LYPLAL1: variants seen among roughly 807,000 people sequenced by gnomAD.
LYPLAL1 encodes the protein lysophospholipase-like protein 1.
Under a neutral mutation model 19.7 loss-of-function variants are expected in LYPLAL1, and 23 were observed. The observed-to-expected ratio is 1.17, with a 90% confidence interval of 0.84 to 1.65. The LOEUF (loss-of-function observed/expected upper bound fraction) is 1.65, where lower values mean the gene tolerates loss of function less well. LYPLAL1 is among the 40% of genes most tolerant of loss of function. The pLI is 0.00. For synonymous variants in LYPLAL1, 119 were observed against 96.3 expected (o/e 1.24, Z -1.38); for missense variants, 355 against 279.4 (o/e 1.27, Z -1.93).
the LYPLAL1 span, among the ~76,000 whole-genome samples, chr1:219,300,119 G>C: frequency 6.6e-6 from 1 of 152,098 alleles, no homozygotes; most frequent in African/African-American, 2.4e-5. Flanking sequence ...GAGTAGCAGG[G>C]TCTACAGGCA....
chr1:219,259,400 TATATATAC>T, the LYPLAL1 span, among the ~76,000 whole-genome samples: 4 of 22,538 alleles, frequency 1.8e-4, no homozygotes, highest in African/African-American at 4.8e-4. Flanking sequence ...GAAAACGTGG[TATATATAC>T]ATATATATAT....
At chr1:219,373,873 A>C in the LYPLAL1 span, among the ~76,000 whole-genome samples, 13 of 15,360 alleles carry the variant, frequency 8.5e-4, no homozygotes, top group South Asian at 6.5e-3. Flanking sequence ...CAAAAAAAAA[A>C]AAAAAAAACA....
intron 1 of LYPLAL1, among the ~76,000 whole-genome samples, chr1:219,178,695 A>C (rs1313438292): frequency 3.9e-5 from 6 of 152,166 alleles, no homozygotes; most frequent in Admixed American, 3.3e-4. Context: ...CACATTTTGG[A>C]CTTTTTTTAA....
At chr1:219,217,360 G>A (rs1659327835), downstream of LYPLAL1, among the ~76,000 whole-genome samples, 1 of 133,020 alleles carries the variant, frequency 7.5e-6, no homozygotes, top group South Asian at 2.5e-4. Flanking sequence ...GGTATCGTTA[G>A]TATTGTTTTG....
At chr1:219,304,540 G>A in the LYPLAL1 span, among the ~76,000 whole-genome samples, 4 of 152,238 alleles carry the variant, frequency 2.6e-5, no homozygotes, top group Admixed American at 1.3e-4. Flanking sequence ...AGAGCAGGAT[G>A]CTAGGTGCTT....
the LYPLAL1 span, among the ~76,000 whole-genome samples, chr1:219,421,748 G>C: frequency 2.6e-5 from 4 of 152,068 alleles, no homozygotes; most frequent in Non-Finnish European, 5.9e-5. Context: ...TAGCAGGAGG[G>C]TGAGGGGAGC....
chr1:219,371,359 G>A, the LYPLAL1 span, among the ~76,000 whole-genome samples: 1 of 152,144 alleles, frequency 6.6e-6, no homozygotes, highest in Non-Finnish European at 1.5e-5. Context: ...CATATCAAAG[G>A]AAGCATTGCC....
chr1:219,254,480 T>C, the LYPLAL1 span, among the ~76,000 whole-genome samples: 1 of 151,968 alleles, frequency 6.6e-6, no homozygotes, highest in Admixed American at 6.6e-5. Flanking sequence ...CTGGTAGTAA[T>C]GAATTCCCTC....
the LYPLAL1 span, among the ~76,000 whole-genome samples, chr1:219,235,655 A>G: frequency 9.2e-5 from 14 of 152,194 alleles, no homozygotes; most frequent in East Asian, 1.9e-4. Flanking sequence ...TACTTCCTAC[A>G]TGGTTTTCTA....
chr1:219,244,698 C>A, the LYPLAL1 span, among the ~76,000 whole-genome samples: 70,589 of 151,812 alleles, frequency 0.46, 16,791 homozygotes, highest in East Asian at 0.66. Flanking sequence ...GTAATCCCAG[C>A]ACTTTGGGAA....
chr1:219,297,159 G>C, the LYPLAL1 span, among the ~76,000 whole-genome samples: 5 of 152,140 alleles, frequency 3.3e-5, no homozygotes, highest in African/African-American at 1.2e-4. Flanking sequence ...GCTCACAATT[G>C]GAAGCAAATC....
chr1:219,310,880 C>T, the LYPLAL1 span, among the ~76,000 whole-genome samples: 10 of 152,184 alleles, frequency 6.6e-5, no homozygotes, highest in East Asian at 1.9e-4. Flanking sequence ...CTCTTAGTAG[C>T]CTCCAATTCC....
At chr1:219,235,064 C>A in the LYPLAL1 span, among the ~76,000 whole-genome samples, 10 of 152,098 alleles carry the variant, frequency 6.6e-5, no homozygotes, top group Non-Finnish European at 1.5e-4. Context: ...AATACAAGAT[C>A]TGTCATTTGT....
chr1:219,345,499 A>C, the LYPLAL1 span, among the ~76,000 whole-genome samples: 1 of 152,202 alleles, frequency 6.6e-6, no homozygotes, highest in Non-Finnish European at 1.5e-5. Flanking sequence ...AGATGCAATT[A>C]GGAAACTGTA....
chr1:219,214,650 C>T (rs563466536), downstream of LYPLAL1, among the ~76,000 whole-genome samples: 15 of 150,546 alleles, frequency 1.0e-4, 1 homozygote, highest in South Asian at 2.7e-3. Flanking sequence ...GTACCATCAA[C>T]GTCATATTAC....
At chr1:219,239,251 T>TA in the LYPLAL1 span, among the ~76,000 whole-genome samples, 1 of 152,206 alleles carries the variant, frequency 6.6e-6, no homozygotes, top group East Asian at 1.9e-4. Context: ...GATTTGAACA[T>TA]ACGCTATCTG....
chr1:219,207,488 A>T (rs1456798614), intron 3 of LYPLAL1, among the ~76,000 whole-genome samples: 1 of 152,020 alleles, frequency 6.6e-6, no homozygotes, highest in Non-Finnish European at 1.5e-5. Flanking sequence ...ATATCAAATT[A>T]AATCACCAAA....
At chr1:219,432,896 T>G in the LYPLAL1 span, among the ~76,000 whole-genome samples, 1 of 152,172 alleles carries the variant, frequency 6.6e-6, no homozygotes, top group Non-Finnish European at 1.5e-5. Context: ...TAAGAGAGAA[T>G]ACTCACACAT....
intron 3 of LYPLAL1, among the ~76,000 whole-genome samples, chr1:219,203,239 T>G (rs1426114749): frequency 1.3e-5 from 2 of 152,132 alleles, no homozygotes; most frequent in East Asian, 3.9e-4. Context: ...GCCCATTCTT[T>G]GCGGTTTTAT....
Sources: gnomAD v4.1 joint callset for allele counts (sites outside exome capture counted in the v4.1 genomes callset) on GRCh38, gnomAD v4.1.1 for gene constraint, MANE v1.5 for transcripts, NCBI Gene and HGNC (gene_info 2026-07-23, HGNC 2026-07-21) for gene names.